The following ACOT9 variants were observed in gnomAD, a reference collection of about 807,000 sequenced individuals.
The protein encoded by ACOT9 is acyl-CoA thioesterase 9.
ACOT9 carries 34 observed loss-of-function variants against 39.7 expected under a neutral mutation model. The observed-to-expected ratio is 0.86, with a 90% CI of 0.65 to 1.14. The LOEUF is 1.14. Ranked by LOEUF, ACOT9 falls within the 50% of genes most tolerant of loss-of-function variation. ACOT9 has a pLI of 0.00. For missense variants in ACOT9, 313 were observed against 344.1 expected (o/e 0.91, Z 0.71); for synonymous variants, 110 against 120.5 (o/e 0.91, Z 0.57).
intron 10 of ACOT9, 175 bp downstream of exon 10, chrX:23,707,702 A>C: frequency 1.2e-5 from 4 of 340,002 alleles, no homozygotes; most frequent in Non-Finnish European, 1.5e-5. Flanking sequence ...GCACCACTGC[A>C]CTCCAGCCTG....
chrX:23,716,664 C>T (rs949918144), intron 8 of ACOT9, among the ~76,000 whole-genome samples: 3 of 111,077 alleles, frequency 2.7e-5, no homozygotes, highest in Admixed American at 9.7e-5. Flanking sequence ...TTATGAAGCC[C>T]CTTGGGCCCT....
At chrX:23,719,652 C>T (rs1268660042) in intron 8 of ACOT9, among the ~76,000 whole-genome samples, 1 of 110,841 alleles carries the variant, frequency 9.0e-6, no homozygotes, top group Non-Finnish European at 1.9e-5. Context: ...CAACCTAGAT[C>T]CCTCACATGC....
chrX:23,705,461 G>A (rs1265419610), intron 13 of ACOT9, 48 bp downstream of exon 13: 1 of 998,604 alleles, frequency 1.0e-6, no homozygotes. Context: ...TCAGTGGGGT[G>A]ATATAAATTG....
chrX:23,727,516 G>A (rs2146844315), intron 6 of ACOT9, among the ~76,000 whole-genome samples: 1 of 108,523 alleles, frequency 9.2e-6, no homozygotes, highest in South Asian at 4.1e-4. Flanking sequence ...GTAGAGATGG[G>A]GACTCACTAT....
Position 23,722,160 on chromosome X carries a change from A to T in ACOT9, c.485-176T>A, listed in dbSNP as rs951091. 0.2 allele frequency among the ~76,000 whole-genome samples: 22,259 copies of T among 111,815 alleles called. 1,759 individuals are homozygous for T. The highest frequency in any genetic ancestry group is 0.22 in the Non-Finnish European group (11,792 of 53,104). Reference sequence around the variant, plus strand: ...ATGTGTTTTTGAAAAATGTAGAAAAAGCAAAGAATATAAAAAATAAAACTG... The same window carrying T: ...ATGTGTTTTTGAAAAATGTAGAAAATGCAAAGAATATAAAAAATAAAACTG... On this transcript the variant is annotated intron_variant, in intron 7 of 15. Transcript: ENST00000379303.
At chrX:23,739,823 C>A (rs1205209100) in intron 1 of ACOT9, among the ~76,000 whole-genome samples, 1 of 109,943 alleles carries the variant, frequency 9.1e-6, no homozygotes, top group South Asian at 3.9e-4. Context: ...ATAGCCTAAG[C>A]CAGGCACTAT....
intron 8 of ACOT9, among the ~76,000 whole-genome samples, chrX:23,713,439 T>C (rs1387895332): frequency 1.9e-5 from 2 of 106,222 alleles, no homozygotes; most frequent in African/African-American, 6.9e-5. Context: ...ATTAGCAGGG[T>C]GTGGTGGCGC....
chrX:23,703,950 AAT>A lies in ACOT9; in HGVS notation c.1289_1290del (p.His430LeufsTer41), dbSNP rs1385354206. On this transcript the variant is annotated frameshift_variant, in exon 16 of 16. Coordinates refer to ENST00000379303, the MANE Select transcript of ACOT9 (RefSeq NM_001037171.2). LOFTEE classifies it high-confidence loss of function. The part of the protein sequence containing the change: ...ESMLYLDGQR[H>X]FNSMSGPATL... Reference sequence around the variant, plus strand: ...GTCGCTGGGCCACTCATGGAGTTGAAATGCCGCTGCCCATCTAAGTACAACAT... The same window carrying A: ...GTCGCTGGGCCACTCATGGAGTTGAAGCCGCTGCCCATCTAAGTACAACAT... The A allele has an allele frequency of 1.7e-6, 2 of 1,209,148 alleles. No homozygotes were observed. Among genetic ancestry groups the A allele is most frequent in the Non-Finnish European group, 2.2e-6 (2 of 894,875 alleles).
At chrX:23,742,209 T>TGAGAGAGAGA (rs760648597) in intron 1 of ACOT9, among the ~76,000 whole-genome samples, 1,855 of 56,044 alleles carry the variant, frequency 0.033, 55 homozygotes, top group African/African-American at 0.089. Context: ...GAACAGTGAG[T>TGAGAGAGAGA]GAGTGAGAGA....
At chrX:23,726,805 T>C (rs760955392) in intron 6 of ACOT9, among the ~76,000 whole-genome samples, 2 of 110,938 alleles carry the variant, frequency 1.8e-5, no homozygotes, top group South Asian at 7.6e-4. Flanking sequence ...TAGTTGGGAC[T>C]ACAGGCACAT....
chrX:23,708,959 G>A (rs977711724), intron 9 of ACOT9, among the ~76,000 whole-genome samples: 1 of 112,084 alleles, frequency 8.9e-6, no homozygotes, highest in Admixed American at 9.6e-5. Flanking sequence ...TACAATTTAC[G>A]TGAAAGGCAT....
At chrX:23,721,110 G>A (rs1020663900) in intron 8 of ACOT9, among the ~76,000 whole-genome samples, 6 of 109,848 alleles carry the variant, frequency 5.5e-5, no homozygotes, top group African/African-American at 9.9e-5. Context: ...TTTATTTTTT[G>A]AGACGAGTCT....
Position 23,707,896 on chromosome X carries a change from C to T in ACOT9, c.711G>A (p.Glu237=), listed in dbSNP as rs934069980. The part of the protein sequence containing the change: ...PLIPESPEEE[E]LFRQGELNKG... ...ATGTACATTCCCCTTGTCTAAAGAG[C>T]TCCTCTTCCTCTGGGCTTTCAGGGA... The change falls in exon 10 of 16, where the codon GAG becomes GAA. Residue 237 remains glutamate, a synonymous_variant. Transcript: ENST00000379303. 2.1e-5 allele frequency: 25 copies of T among 1,199,263 alleles called. No individual in the cohort carries two copies. Among genetic ancestry groups the T allele is most frequent in the Non-Finnish European group, 2.7e-5 (24 of 889,517 alleles).
At chrX:23,726,448 C>T (rs1249764318) in intron 6 of ACOT9, among the ~76,000 whole-genome samples, 2 of 110,206 alleles carry the variant, frequency 1.8e-5, no homozygotes, top group Non-Finnish European at 3.8e-5. Flanking sequence ...ATCCATTCAA[C>T]TGTGCAGTAA....
intron 1 of ACOT9, among the ~76,000 whole-genome samples, chrX:23,741,386 G>A (rs1293677932): frequency 2.8e-5 from 3 of 107,837 alleles, no homozygotes; most frequent in Non-Finnish European, 5.7e-5. Flanking sequence ...AGGCCTCCAT[G>A]GCCTACCTGG....
rs1452130245 is a variant in ACOT9, at chrX:23,703,777, A to G, written c.*117T>C. ...TCTGATCATCCTAAAGGCTGAATACATCCTCCTCCTGTGTGGAGGACACGA... is the reference window on the plus strand; with the variant it reads ...TCTGATCATCCTAAAGGCTGAATACGTCCTCCTCCTGTGTGGAGGACACGA... On this transcript the variant is annotated 3_prime_UTR_variant, in exon 16 of 16. Coordinates refer to ENST00000379303, the MANE Select transcript of ACOT9 (RefSeq NM_001037171.2). 6 of 551,029 alleles carry G rather than the reference A, an allele frequency of 1.1e-5. No homozygotes were observed. The highest frequency in any genetic ancestry group is 1.1e-4 in the East Asian group (3 of 27,678). The allele number at this position is 551,029 out of a possible 1,213,427, so 45.4% of individuals were successfully genotyped here. A position where few individuals can be genotyped will look rare whatever the true frequency, so the allele number is the denominator to read the frequency against.
chrX:23,725,602 G>C (rs1305615904), intron 6 of ACOT9, among the ~76,000 whole-genome samples: 1 of 110,167 alleles, frequency 9.1e-6, no homozygotes, highest in East Asian at 2.8e-4. Flanking sequence ...GGGATCCCTT[G>C]AGTCCAGCAG....
chrX:23,731,412 G>C (rs1929744970), intron 4 of ACOT9, among the ~76,000 whole-genome samples: 1 of 107,052 alleles, frequency 9.3e-6, no homozygotes, highest in Non-Finnish European at 1.9e-5. Context: ...GGGAGGCGGA[G>C]GTTGCAATGA....
At chrX:23,737,896 T>C (rs1794249821) in intron 1 of ACOT9, among the ~76,000 whole-genome samples, 1 of 99,546 alleles carries the variant, frequency 1.0e-5, no homozygotes, top group African/African-American at 3.9e-5. Context: ...TTAGACAGAG[T>C]CTCGCTCTGT....
Sources: gnomAD v4.1 joint callset for allele counts (sites outside exome capture counted in the v4.1 genomes callset) on GRCh38, gnomAD v4.1.1 for gene constraint, MANE v1.5 for transcripts, NCBI Gene and HGNC (gene_info 2026-07-23, HGNC 2026-07-21) for gene names.